Variants in NEK10 observed in about 807,000 individuals in gnomAD.
The protein encoded by NEK10 is NIMA related kinase 10.
NEK10 carries 122 observed loss-of-function variants against 159.8 expected under a neutral mutation model. That is an observed-to-expected ratio of 0.76 (90% CI 0.66 to 0.89). NEK10 has a LOEUF of 0.89. Ranked by LOEUF, NEK10 falls within the 40% of genes least tolerant of loss-of-function variation. The pLI is 0.00. For synonymous variants in NEK10, 466 were observed against 457.1 expected, an observed-to-expected ratio of 1.02 and a Z score of -0.25; for missense variants, 1,342 against 1,323.1, an observed-to-expected ratio of 1.01 and a Z score of -0.22.
intron 5 of NEK10, 27 bp downstream of exon 5, chr3:27,344,245 A>C (rs1395716800): frequency 9.0e-7 from 1 of 1,107,874 alleles, no homozygotes; most frequent in East Asian, 2.4e-5. Flanking sequence ...TCTTCAGTAA[A>C]AGCCTGTTTT....
chr3:27,298,525 T>G (rs1158429323), intron 13 of NEK10, among the ~76,000 whole-genome samples: 1 of 152,200 alleles, frequency 6.6e-6, no homozygotes, highest in East Asian at 1.9e-4. Context: ...AGTAAATTGG[T>G]ACCAGTAGAG....
chr3:27,261,792 C>A (rs1395373052), intron 22 of NEK10, among the ~76,000 whole-genome samples: 2 of 152,100 alleles, frequency 1.3e-5, no homozygotes, highest in Non-Finnish European at 2.9e-5. Flanking sequence ...AACTTTCTGT[C>A]TTGTTGATCT....
intron 26 of NEK10, among the ~76,000 whole-genome samples, chr3:27,190,767 A>G (rs1177318822): frequency 6.6e-6 from 1 of 152,178 alleles, no homozygotes; most frequent in Non-Finnish European, 1.5e-5. Flanking sequence ...TACTAGGAAT[A>G]CTCTATTTAG....
intron 22 of NEK10, among the ~76,000 whole-genome samples, chr3:27,278,259 T>C (rs1380983127): frequency 6.6e-6 from 1 of 152,220 alleles, no homozygotes; most frequent in Non-Finnish European, 1.5e-5. Flanking sequence ...TGCATATACA[T>C]TCTAGCCTTC....
chr3:27,354,131 C>A (rs1415388464), intron 1 of NEK10, among the ~76,000 whole-genome samples: 1 of 152,154 alleles, frequency 6.6e-6, no homozygotes, highest in African/African-American at 2.4e-5. Flanking sequence ...CTGCTGTTGG[C>A]TTCGAATTCC....
intron 26 of NEK10, among the ~76,000 whole-genome samples, chr3:27,181,351 A>C (rs1212552644): frequency 6.6e-6 from 1 of 152,096 alleles, no homozygotes; most frequent in East Asian, 1.9e-4. Flanking sequence ...TGTTATTAAG[A>C]AAATCACAAA....
chr3:27,360,055 C>A (rs1156907154), intron 1 of NEK10, among the ~76,000 whole-genome samples: 1 of 152,272 alleles, frequency 6.6e-6, no homozygotes, highest in Middle Eastern at 3.4e-3. Context: ...TTGAGGAAAT[C>A]CTGTAAGAAA....
chr3:27,246,432 A>G (rs983245377), intron 23 of NEK10, among the ~76,000 whole-genome samples: 5 of 152,108 alleles, frequency 3.3e-5, no homozygotes, highest in Non-Finnish European at 7.3e-5. Flanking sequence ...TTACTTGTAA[A>G]TATATAGTAG....
At chr3:27,137,398 A>G (rs1209814638) in intron 31 of NEK10, among the ~76,000 whole-genome samples, 1 of 152,238 alleles carries the variant, frequency 6.6e-6, no homozygotes, top group African/African-American at 2.4e-5. Flanking sequence ...CAAGACAGGC[A>G]TATGAAAACT....
At chr3:27,290,420 A>T (rs936098275) in intron 19 of NEK10, among the ~76,000 whole-genome samples, 197 bp downstream of exon 19, 2 of 152,202 alleles carry the variant, frequency 1.3e-5, no homozygotes, top group African/African-American at 4.8e-5. Flanking sequence ...CATGACCCTG[A>T]TATAAACTCC....
At chr3:27,271,515 A>C (rs1208825201) in intron 22 of NEK10, among the ~76,000 whole-genome samples, 1 of 152,198 alleles carries the variant, frequency 6.6e-6, no homozygotes, top group East Asian at 1.9e-4. Context: ...TCTTATTCTT[A>C]CTAAAATGCC....
rs147321024 is a variant in NEK10 at position 27,174,727 on chromosome 3, G to A, written c.2612C>T (p.Ser871Phe). ...ADLPPEGFQA[S>F]YGKDEDRACD... ...GGCCCTGTCTTCGTCTTTACCATAG[G>A]AGGCCTGGAAGCCTTCAGGGGGCAG... The change falls in exon 27 of 36, where the codon TCC becomes TTC. Residue 871 changes from serine to phenylalanine, a missense_variant. Ser to Phe is a radical substitution (Grantham distance 155, BLOSUM62 -2). Coordinates refer to ENST00000691995, the MANE Select transcript of NEK10 (RefSeq NM_001394966.1). 105 of 1,613,492 alleles carry A rather than the reference G, an allele frequency of 6.5e-5. No individual in the cohort carries two copies. The highest frequency in any genetic ancestry group is 8.6e-5 in the Non-Finnish European group (101 of 1,179,852).
intron 33 of NEK10, among the ~76,000 whole-genome samples, chr3:27,118,074 A>T (rs112191903): frequency 0.015 from 2,259 of 152,278 alleles, 53 homozygotes; most frequent in African/African-American, 0.051. Context: ...TTAAATAAGG[A>T]ATCCTTTCCC....
At chr3:27,244,879 G>C (rs567183814) in intron 23 of NEK10, among the ~76,000 whole-genome samples, 1 of 151,832 alleles carries the variant, frequency 6.6e-6, no homozygotes, top group Admixed American at 6.5e-5. Context: ...GTTGCTCCCA[G>C]CTTGCCTAGC....
At chr3:27,363,281 A>G (rs967256914) in intron 1 of NEK10, among the ~76,000 whole-genome samples, 4 of 152,202 alleles carry the variant, frequency 2.6e-5, no homozygotes, top group Non-Finnish European at 5.9e-5. Context: ...AGCTTTTGAC[A>G]AACAGGCTGA....
At chr3:27,124,315 A>G (rs767043736) in intron 32 of NEK10, among the ~76,000 whole-genome samples, 1 of 152,214 alleles carries the variant, frequency 6.6e-6, no homozygotes, top group African/African-American at 2.4e-5. Context: ...CACTAATGCA[A>G]GAGAGAAGGG....
intron 30 of NEK10, among the ~76,000 whole-genome samples, chr3:27,159,534 T>C (rs1945810404): frequency 6.6e-6 from 1 of 152,128 alleles, no homozygotes; most frequent in African/African-American, 2.4e-5. Context: ...ATAATTAACA[T>C]GTTAAAATGT....
intron 22 of NEK10, among the ~76,000 whole-genome samples, chr3:27,259,992 G>A (rs1011195122): frequency 9.2e-5 from 14 of 152,268 alleles, no homozygotes; most frequent in East Asian, 3.9e-4. Context: ...TTGTGAATGC[G>A]AGTTCACTCA....
intron 9 of NEK10, chr3:27,309,607 C>T (rs1410915284): frequency 6.6e-6 from 1 of 152,110 alleles, no homozygotes; most frequent in Non-Finnish European, 1.5e-5. Context: ...TTTCCATGTG[C>T]CCAAGTATTC....
Sources: gnomAD v4.1 joint callset for allele counts (sites outside exome capture counted in the v4.1 genomes callset) on GRCh38, gnomAD v4.1.1 for gene constraint, MANE v1.5 for transcripts, NCBI Gene and HGNC (gene_info 2026-07-23, HGNC 2026-07-21) for gene names.